The following PSMA1 variants were observed in gnomAD, a reference collection of about 807,000 sequenced individuals.
PSMA1 encodes the protein proteasome subunit alpha type-1.
PSMA1 carries 3 observed loss-of-function variants against 38.4 expected under a neutral mutation model. The observed-to-expected ratio is 0.08, with a 90% CI of 0.04 to 0.20. The LOEUF (loss-of-function observed/expected upper bound fraction) is 0.20. PSMA1 is among the 10% of genes least tolerant of loss of function. The probability of loss-of-function intolerance (pLI) is 1.00; values close to 1 mark genes in which losing one functional copy is unlikely to be tolerated. For synonymous variants in PSMA1, 101 were observed against 107.1 expected (o/e 0.94, Z 0.35); for missense variants, 227 against 325.3 (o/e 0.70, Z 2.32).
intron 2 of PSMA1, among the ~76,000 whole-genome samples, chr11:14,537,121 C>G (rs1270497165): frequency 6.6e-6 from 1 of 152,118 alleles, no homozygotes; most frequent in Non-Finnish European, 1.5e-5. Flanking sequence ...GCCAATAGAC[C>G]AATAATTCCT....
At chr11:14,631,255 G>A (rs1201029273) in intron 1 of PSMA1, among the ~76,000 whole-genome samples, 9 of 152,104 alleles carry the variant, frequency 5.9e-5, no homozygotes, top group Admixed American at 1.3e-4. Context: ...TAATTGTGAT[G>A]TTAGTGTGTC....
At chr11:14,578,285 C>T (rs1189908039) in intron 2 of PSMA1, among the ~76,000 whole-genome samples, 1 of 152,096 alleles carries the variant, frequency 6.6e-6, no homozygotes, top group African/African-American at 2.4e-5. Flanking sequence ...GTTTGTTGTC[C>T]TGCTGGCCTT....
intron 2 of PSMA1, among the ~76,000 whole-genome samples, chr11:14,563,063 T>C (rs1436295234): frequency 1.3e-5 from 2 of 152,072 alleles, no homozygotes; most frequent in Non-Finnish European, 1.5e-5. Flanking sequence ...GTCATTATGG[T>C]TTTAGAGTTT....
intron 2 of PSMA1, chr11:14,610,704 T>C (rs984982471): frequency 2.1e-6 from 1 of 469,234 alleles, no homozygotes; most frequent in African/African-American, 2.0e-5. Flanking sequence ...GTTCATCTGA[T>C]TTTATGATAA....
chr11:14,635,536 G>C (rs1401571638), intron 1 of PSMA1, among the ~76,000 whole-genome samples: 11 of 152,170 alleles, frequency 7.2e-5, no homozygotes, highest in Admixed American at 7.2e-4. Context: ...TATCTGACTA[G>C]ACATTAATAA....
intron 2 of PSMA1, among the ~76,000 whole-genome samples, chr11:14,533,900 G>T (rs1851676019): frequency 6.6e-6 from 1 of 151,978 alleles, no homozygotes; most frequent in Non-Finnish European, 1.5e-5. Flanking sequence ...ATATCTCAAG[G>T]CTGGGCGCAG....
At chr11:14,576,140 T>G (rs1478620851) in intron 2 of PSMA1, among the ~76,000 whole-genome samples, 2 of 152,210 alleles carry the variant, frequency 1.3e-5, no homozygotes, top group African/African-American at 4.8e-5. Context: ...GTTTTTTTCT[T>G]GTAAATTTGT....
intron 2 of PSMA1, among the ~76,000 whole-genome samples, chr11:14,552,752 C>T (rs1479012644): frequency 6.6e-6 from 1 of 151,472 alleles, no homozygotes; most frequent in Admixed American, 6.6e-5. Context: ...TTATACAATA[C>T]ACAGTTTGTT....
At chr11:14,506,017 C>T (rs1042060807) in intron 9 of PSMA1, among the ~76,000 whole-genome samples, 11 of 151,980 alleles carry the variant, frequency 7.2e-5, no homozygotes, top group Admixed American at 7.2e-4. Context: ...TCTCAAAAAA[C>T]AACAAAAAAG....
At chr11:14,622,708 C>T (rs1254511860) in intron 1 of PSMA1, among the ~76,000 whole-genome samples, 2 of 152,210 alleles carry the variant, frequency 1.3e-5, no homozygotes, top group East Asian at 1.9e-4. Context: ...CCTATGAATA[C>T]TGCTAGATTG....
intron 2 of PSMA1, among the ~76,000 whole-genome samples, chr11:14,608,419 G>A (rs2134197231): frequency 6.6e-6 from 1 of 151,628 alleles, no homozygotes; most frequent in Admixed American, 6.6e-5. Flanking sequence ...TGTGGGGTAG[G>A]GGGAGCGGGG....
chr11:14,583,051 A>G (rs1852301658), intron 2 of PSMA1, among the ~76,000 whole-genome samples: 1 of 152,220 alleles, frequency 6.6e-6, no homozygotes, highest in Non-Finnish European at 1.5e-5. Context: ...TTAAAAGGCC[A>G]TGTTTTATTT....
chr11:14,510,466 T>C (rs1156789610), intron 8 of PSMA1, among the ~76,000 whole-genome samples: 1 of 152,190 alleles, frequency 6.6e-6, no homozygotes, highest in Non-Finnish European at 1.5e-5. Context: ...TACTATATAA[T>C]GTACTTATGT....
At chr11:14,517,463 C>T (rs1399357673) in intron 4 of PSMA1, among the ~76,000 whole-genome samples, 179 bp downstream of exon 4, 1 of 152,120 alleles carries the variant, frequency 6.6e-6, no homozygotes, top group Non-Finnish European at 1.5e-5. Flanking sequence ...ATTAGTTACT[C>T]CTACAGGGAT....
chr11:14,586,387 G>A (rs1399607046), intron 2 of PSMA1, among the ~76,000 whole-genome samples: 2 of 151,906 alleles, frequency 1.3e-5, no homozygotes, highest in Admixed American at 6.6e-5. Flanking sequence ...AGCCGAGATC[G>A]TGCCATTGTA....
chr11:14,620,512 A>G (rs1219218517), intron 1 of PSMA1, among the ~76,000 whole-genome samples: 2 of 152,224 alleles, frequency 1.3e-5, no homozygotes, highest in Non-Finnish European at 2.9e-5. Flanking sequence ...TTTGTCTCAA[A>G]CCATCTGGAT....
chr11:14,643,058 GTT>G (rs1037494609), intron 1 of PSMA1, among the ~76,000 whole-genome samples: 2 of 151,628 alleles, frequency 1.3e-5, no homozygotes, highest in Non-Finnish European at 2.9e-5. Context: ...AAGGCGAGAC[GTT>G]AGTTCTTCGC....
chr11:14,562,636 T>A (rs1852022984), intron 2 of PSMA1, among the ~76,000 whole-genome samples: 1 of 152,172 alleles, frequency 6.6e-6, no homozygotes, highest in Non-Finnish European at 1.5e-5. Flanking sequence ...GCATTTTTTT[T>A]TTTTTTGAGA....
intron 2 of PSMA1, among the ~76,000 whole-genome samples, chr11:14,554,285 G>A (rs766048490): frequency 6.6e-6 from 1 of 152,034 alleles, no homozygotes; most frequent in Non-Finnish European, 1.5e-5. Flanking sequence ...TTCTCTTAAT[G>A]TGATATTTTA....
Sources: allele counts gnomAD v4.1 joint callset (sites outside exome capture counted in the v4.1 genomes callset), GRCh38; gene constraint gnomAD v4.1.1; transcripts MANE v1.5; gene names NCBI Gene and HGNC (gene_info 2026-07-23, HGNC 2026-07-21).